Variants in MIOS observed in about 807,000 individuals in gnomAD.
MIOS encodes GATOR2 complex protein MIOS.
Under a neutral mutation model 96.9 loss-of-function variants are expected in MIOS, and 52 were observed. The ratio of observed to expected loss-of-function variants is 0.54; its 90% CI spans 0.43 to 0.68. The LOEUF (loss-of-function observed/expected upper bound fraction) is 0.68. MIOS is among the 30% of genes least tolerant of loss of function. MIOS has a pLI of 0.00. For synonymous variants in MIOS, 397 were observed against 359.5 expected (o/e 1.10, Z -1.18); for missense variants, 1,005 against 1,052.8 (o/e 0.95, Z 0.63).
intron 10 of MIOS, 24 bp from the exon 11 acceptor site, chr7:7,596,233 T>A (rs763383372): frequency 1.8e-4 from 287 of 1,603,872 alleles, no homozygotes; most frequent in Non-Finnish European, 2.3e-4. Context: ...ATTACATTTA[T>A]TTTTTCTTTC....
chr7:7,592,098 C>T (rs1396536776), intron 9 of MIOS, among the ~76,000 whole-genome samples: 1 of 152,138 alleles, frequency 6.6e-6, no homozygotes. Context: ...GAGTGATTCT[C>T]ATGCCTCAGC....
At chr7:7,606,964 A>G (rs1784549299) in intron 12 of MIOS, 32 bp from the exon 13 acceptor site, 1 of 1,511,468 alleles carries the variant, frequency 6.6e-7, no homozygotes, top group South Asian at 1.2e-5. Flanking sequence ...TCTAATTTGG[A>G]TTTTTAACTG....
chr7:7,586,720 A>G (rs1046638728), intron 7 of MIOS, among the ~76,000 whole-genome samples: 9 of 152,204 alleles, frequency 5.9e-5, no homozygotes, highest in Non-Finnish European at 1.0e-4. Context: ...TTAATAAATT[A>G]CTATTGAACT....
At chr7:7,598,396 T>C (rs1286759279) in intron 11 of MIOS, among the ~76,000 whole-genome samples, 1 of 152,212 alleles carries the variant, frequency 6.6e-6, no homozygotes, top group Non-Finnish European at 1.5e-5. Flanking sequence ...CGATTATTTT[T>C]CCATCTAGAT....
chr7:7,588,611 C>CA (rs766800391), intron 8 of MIOS, 48 bp downstream of exon 8: 8 of 1,221,728 alleles, frequency 6.5e-6, no homozygotes. Context: ...TATGTACTGT[C>CA]ACAATTATGT....
intron 5 of MIOS, among the ~76,000 whole-genome samples, chr7:7,580,274 T>A (rs1014040217): frequency 1.3e-5 from 2 of 152,222 alleles, no homozygotes; most frequent in African/African-American, 4.8e-5. Flanking sequence ...TTATAGTCCT[T>A]AAAAATCCAC....
At chr7:7,576,277 C>T (rs1424620237) in intron 5 of MIOS, among the ~76,000 whole-genome samples, 2 of 152,186 alleles carry the variant, frequency 1.3e-5, no homozygotes, top group Non-Finnish European at 2.9e-5. Flanking sequence ...GAACTAGAGA[C>T]ATAACTCTCA....
intron 11 of MIOS, among the ~76,000 whole-genome samples, chr7:7,597,259 G>C (rs1784229920): frequency 6.6e-6 from 1 of 151,224 alleles, no homozygotes; most frequent in Non-Finnish European, 1.5e-5. Context: ...CCGGGAGGCA[G>C]AGGTTGCAGT....
chr7:7,590,772 A>G (rs142874857), intron 9 of MIOS, among the ~76,000 whole-genome samples: 1 of 152,162 alleles, frequency 6.6e-6, no homozygotes, highest in Non-Finnish European at 1.5e-5. Flanking sequence ...TGCATCCCTC[A>G]ACTCATCAAA....
chr7:7,580,001 C>T (rs967306546), intron 5 of MIOS, among the ~76,000 whole-genome samples: 3 of 152,140 alleles, frequency 2.0e-5, no homozygotes, highest in African/African-American at 7.2e-5. Flanking sequence ...TATTATTAAG[C>T]TGTAAGGAAC....
intron 5 of MIOS, among the ~76,000 whole-genome samples, chr7:7,580,712 A>T (rs1435849772): frequency 4.6e-4 from 18 of 38,746 alleles, no homozygotes; most frequent in African/African-American, 1.4e-3. Context: ...TTTTTTTTTT[A>T]AAGAGACAGA....
At chr7:7,603,763 G>A (rs183541596) in intron 11 of MIOS, among the ~76,000 whole-genome samples, 6 of 152,112 alleles carry the variant, frequency 3.9e-5, no homozygotes, top group South Asian at 2.1e-4. Flanking sequence ...ACATGCACAC[G>A]TATGTTTATT....
At chr7:7,582,738 G>C (rs1783770439) in intron 5 of MIOS, 1 of 435,306 alleles carries the variant, frequency 2.3e-6, no homozygotes, top group African/African-American at 2.2e-5. Context: ...TGCGCTACTG[G>C]GAGAAGAGAT....
rs777824473 is a variant in MIOS, at chr7:7,573,740, A to T, written c.1265A>T (p.Gln422Leu). The part of the protein sequence containing the change: ...NHILAGNEDP[Q>L]LKSLWYTLHF... ...ATTTTAGCTGGAAATGAAGATCCAC[A>T]GCTCAAGTCACTCTGGTATACTCTG... is the stretch of plus-strand genomic sequence containing the variant. The change falls in exon 4 of 13, where the codon CAG (glutamine) becomes CTG (leucine). Residue 422 changes from glutamine to leucine, a missense_variant. Around this residue, in one of 3 missense-constraint regions of MIOS, gnomAD observed 865 missense variants for 887.9 expected, o/e 0.97. Coordinates refer to ENST00000340080, the MANE Select transcript of MIOS (RefSeq NM_019005.4). This position sits in a 1 kb window ranked among gnomAD's most constrained non-coding sequence, Gnocchi z 5.0. 1.2e-5 allele frequency: 19 copies of T among 1,610,400 alleles called. No individual in the cohort carries two copies. The highest frequency in any genetic ancestry group is 1.4e-5 in the Non-Finnish European group (17 of 1,177,996).
chr7:7,592,879 G>T (rs1214306189), intron 9 of MIOS, among the ~76,000 whole-genome samples: 1 of 152,148 alleles, frequency 6.6e-6, no homozygotes, highest in African/African-American at 2.4e-5. Flanking sequence ...TGTGGACCTG[G>T]GGGTATATTG....
At position 7,573,658 on chromosome 7, in the gene MIOS, C is replaced by T. The variant is rs776980828; in HGVS notation, c.1183C>T (p.Arg395Cys). 6.8e-6 allele frequency: 11 copies of T among 1,613,832 alleles called. No individual in the cohort carries two copies. Among genetic ancestry groups the T allele is most frequent in the African/African-American group, 2.7e-5 (2 of 74,996 alleles). Reference protein sequence around the residue: ...SLEKDIATKMRLRALSRYGLD... With the variant: ...SLEKDIATKMCLRALSRYGLD... Reference sequence around the variant, plus strand: ...AGAAAAAGATATAGCAACGAAGATGCGTCTTCGGGCTTTATCAAGGTATGG... The same window carrying T: ...AGAAAAAGATATAGCAACGAAGATGTGTCTTCGGGCTTTATCAAGGTATGG... Residue 395 changes from arginine to cysteine, a missense_variant, in exon 4 of 13, where the codon CGT becomes TGT. Arg to Cys is a radical substitution (Grantham distance 180, BLOSUM62 -3). Transcript: ENST00000340080. This position sits in a 1 kb window ranked among gnomAD's most constrained non-coding sequence, Gnocchi z 5.0.
intron 7 of MIOS, 73 bp from the exon 8 acceptor site, chr7:7,588,425 A>T: frequency 1.2e-6 from 1 of 812,042 alleles, no homozygotes. Flanking sequence ...ATTTATATAA[A>T]ACATTCAGTC....
At chr7:7,576,393 C>T (rs374465787) in intron 5 of MIOS, among the ~76,000 whole-genome samples, 1 of 152,108 alleles carries the variant, frequency 6.6e-6, no homozygotes, top group African/African-American at 2.4e-5. Context: ...AGTAAGCTGG[C>T]AGTTATAACA....
At chr7:7,585,884 G>A in intron 7 of MIOS, 79 bp downstream of exon 7, 1 of 1,245,428 alleles carries the variant, frequency 8.0e-7, no homozygotes, top group Non-Finnish European at 1.1e-6. Flanking sequence ...ATTTTCAAAT[G>A]TCTGTTGCAT....
Sources: gnomAD v4.1 joint callset for allele counts (sites outside exome capture counted in the v4.1 genomes callset) on GRCh38, gnomAD v4.1.1 for gene constraint, gnomAD v4.1.1 regional missense constraint, Gnocchi (gnomAD v3.1) non-coding constraint, MANE v1.5 for transcripts, NCBI Gene and HGNC (gene_info 2026-07-23, HGNC 2026-07-21) for gene names.